The following ZMAT3 variants were observed in gnomAD, a reference collection of about 807,000 sequenced individuals.
ZMAT3 encodes zinc finger matrin-type protein 3.
In ZMAT3, 17 loss-of-function variants were observed where a neutral mutation model predicts 32.3. The observed-to-expected ratio is 0.53, with a 90% CI of 0.36 to 0.79. ZMAT3 has a LOEUF of 0.79. ZMAT3 is among the 30% of genes least tolerant of loss of function. ZMAT3 has a pLI of 0.00. For synonymous variants in ZMAT3, 120 were observed against 133.1 expected (o/e 0.90, Z 0.68); for missense variants, 329 against 359.7 (o/e 0.91, Z 0.69).
intron 2 of ZMAT3, among the ~76,000 whole-genome samples, chr3:179,062,663 A>T (rs1043641823): frequency 6.6e-6 from 1 of 152,232 alleles, no homozygotes; most frequent in African/African-American, 2.4e-5. Context: ...TTATTGGGTA[A>T]ATGGACTAAG....
intron 5 of ZMAT3, 38 bp downstream of exon 5, chr3:179,027,385 C>T (rs2108535718): frequency 1.3e-6 from 2 of 1,572,090 alleles, no homozygotes; most frequent in Non-Finnish European, 1.7e-6. Flanking sequence ...AGACTAGGTA[C>T]AGAATGTACC....
intron 2 of ZMAT3, among the ~76,000 whole-genome samples, chr3:179,062,472 G>T (rs1331118831): frequency 6.6e-6 from 1 of 152,170 alleles, no homozygotes; most frequent in Non-Finnish European, 1.5e-5. Flanking sequence ...TTGGACAAAA[G>T]AAAGGGTATC....
intron 2 of ZMAT3, among the ~76,000 whole-genome samples, chr3:179,044,383 G>A (rs1039500040): frequency 1.3e-5 from 2 of 152,182 alleles, no homozygotes; most frequent in East Asian, 1.9e-4. Context: ...GGTGGCTCAC[G>A]CCTGTAATCC....
Position 179,027,689 on chromosome 3 carries a change from C to G in ZMAT3, c.514G>C (p.Ala172Pro), listed in dbSNP as rs1450809013. Residue 172 changes from alanine to proline, a missense_variant, in exon 4 of 6, where the codon GCC becomes CCC. Ala to Pro is a conservative substitution (Grantham distance 27). Coordinates refer to ENST00000311417, the MANE Select transcript of ZMAT3 (RefSeq NM_022470.4). Reference protein sequence around the residue: ...AQAHYQGKNHAKRLRLAEAQS... With the variant: ...AQAHYQGKNHPKRLRLAEAQS... The stretch of plus-strand genomic sequence containing the variant: ...GCTTCCGCCAGCCGCAGCCTCTTGG[C>G]ATGATTCTTCCCTTGATAGTGAGCC... The G allele has an allele frequency of 6.2e-7, 1 of 1,614,222 alleles. No individual in the cohort carries two copies.
intron 5 of ZMAT3, among the ~76,000 whole-genome samples, chr3:179,026,773 G>A (rs1254781896): frequency 6.6e-6 from 1 of 152,152 alleles, no homozygotes; most frequent in Non-Finnish European, 1.5e-5. Flanking sequence ...CACTGTTCAA[G>A]TAAATGACCT....
intron 2 of ZMAT3, among the ~76,000 whole-genome samples, chr3:179,035,207 C>G (rs1032444214): frequency 6.6e-6 from 1 of 152,076 alleles, no homozygotes; most frequent in African/African-American, 2.4e-5. Flanking sequence ...ATGTTCTGGC[C>G]CCATCTAATT....
chr3:179,025,344 T>G, intron 5 of ZMAT3, 116 bp from the exon 6 acceptor site: 1 of 865,264 alleles, frequency 1.2e-6, no homozygotes, highest in Non-Finnish European at 1.8e-6. Context: ...CACAGATTCT[T>G]AGCTTTAAGT....
chr3:179,026,374 T>G (rs1718867877), intron 5 of ZMAT3, among the ~76,000 whole-genome samples: 1 of 149,032 alleles, frequency 6.7e-6, no homozygotes, highest in Admixed American at 6.7e-5. Context: ...TCATAATGAA[T>G]TGTGCTTTTT....
chr3:179,030,224 C>G (rs977541459), intron 3 of ZMAT3, among the ~76,000 whole-genome samples: 2 of 152,128 alleles, frequency 1.3e-5, no homozygotes, highest in Non-Finnish European at 2.9e-5. Flanking sequence ...TCTCAAACAC[C>G]TAATTTTGCA....
chr3:179,053,334 G>A (rs1328244107), intron 2 of ZMAT3, among the ~76,000 whole-genome samples: 1 of 151,204 alleles, frequency 6.6e-6, no homozygotes, highest in Non-Finnish European at 1.5e-5. Context: ...TAAATCCCCA[G>A]TAATATAAAT....
chr3:179,046,439 C>A lies in ZMAT3; in HGVS notation c.271-15440G>T, dbSNP rs534820451. On this transcript the variant is annotated intron_variant, in intron 2 of 5. Coordinates refer to ENST00000311417, the MANE Select transcript of ZMAT3 (RefSeq NM_022470.4). This position sits in a 1 kb window ranked among gnomAD's most constrained non-coding sequence, Gnocchi z 4.3. ...AGATGGACAGAGCAGTGTGTGGAGA[C>A]CCATATCATGAAATTTTGCTCCAAG... Among the ~76,000 whole-genome samples the A allele has an allele frequency of 6.6e-6, 1 of 152,098 alleles. No homozygotes were observed. Among genetic ancestry groups the A allele is most frequent in the Non-Finnish European group, 1.5e-5 (1 of 68,022 alleles).
intron 2 of ZMAT3, among the ~76,000 whole-genome samples, chr3:179,034,565 G>A (rs1252482623): frequency 6.6e-6 from 1 of 152,184 alleles, no homozygotes; most frequent in Non-Finnish European, 1.5e-5. Context: ...CCATGAGTAA[G>A]TTGGTGACTC....
intron 2 of ZMAT3, among the ~76,000 whole-genome samples, chr3:179,038,682 G>A (rs1719738862): frequency 6.6e-6 from 1 of 152,214 alleles, no homozygotes; most frequent in Non-Finnish European, 1.5e-5. Context: ...TTGAACTGAG[G>A]TACCTGGTTC....
Position 179,046,533 on chromosome 3 carries a change from C to T in ZMAT3, c.271-15534G>A, listed in dbSNP as rs1421374931. On this transcript the variant is annotated intron_variant, in intron 2 of 5. Coordinates refer to ENST00000311417, the MANE Select transcript of ZMAT3 (RefSeq NM_022470.4). This position sits in a 1 kb window ranked among gnomAD's most constrained non-coding sequence, Gnocchi z 4.3. ...GCCCTTTGAAGGAGGCGGATTGCCACTGCAGACTCCGTGGGACAGCTGAGG... is the reference window on the plus strand; with the variant it reads ...GCCCTTTGAAGGAGGCGGATTGCCATTGCAGACTCCGTGGGACAGCTGAGG... Among the ~76,000 whole-genome samples, 2 of 152,188 alleles carry T rather than the reference C, an allele frequency of 1.3e-5. No homozygotes were observed. The highest frequency in any genetic ancestry group is 2.4e-5 in the African/African-American group (1 of 41,448).
Position 179,024,719 on chromosome 3 carries a change from A to G in ZMAT3, c.*298T>C. ...AGCCGTCAGGCTACTAGTTGACCAGAACTTGAGCAAGATAAAAAGTTATTT... is the reference window on the plus strand; with the variant it reads ...AGCCGTCAGGCTACTAGTTGACCAGGACTTGAGCAAGATAAAAAGTTATTT... On this transcript the variant is annotated 3_prime_UTR_variant, in exon 6 of 6. Coordinates refer to ENST00000311417, the MANE Select transcript of ZMAT3 (RefSeq NM_022470.4). 1 of 301,640 alleles carries G rather than the reference A, an allele frequency of 3.3e-6. No individual in the cohort carries two copies. The highest frequency in any genetic ancestry group is 6.3e-6 in the Non-Finnish European group (1 of 158,102). 18.7% of individuals were successfully genotyped at this position (301,640 alleles called of 1,614,324 possible).
intron 2 of ZMAT3, among the ~76,000 whole-genome samples, chr3:179,039,384 T>C (rs1267755454): frequency 6.6e-6 from 1 of 151,698 alleles, no homozygotes; most frequent in Admixed American, 6.6e-5. Context: ...GCAGCAATAT[T>C]TGCTGTTCTG....
intron 2 of ZMAT3, among the ~76,000 whole-genome samples, chr3:179,066,348 G>A (rs563382376): frequency 1.3e-5 from 2 of 152,220 alleles, no homozygotes; most frequent in Non-Finnish European, 2.9e-5. Context: ...CACATAATGG[G>A]AACTTAAAGG....
chr3:179,036,950 C>T (rs1427604977), intron 2 of ZMAT3, among the ~76,000 whole-genome samples: 1 of 152,142 alleles, frequency 6.6e-6, no homozygotes. Flanking sequence ...TCAGCACGCA[C>T]TCCCCCATTC....
At chr3:179,067,915 C>T in intron 1 of ZMAT3, 106 bp from the exon 2 acceptor site, 1 of 1,101,386 alleles carries the variant, frequency 9.1e-7, no homozygotes, top group South Asian at 1.7e-5. Context: ...TCTACTTCTC[C>T]AAACCCATCT....
Sources: allele counts gnomAD v4.1 joint callset (sites outside exome capture counted in the v4.1 genomes callset), GRCh38; gene constraint gnomAD v4.1.1; non-coding constraint Gnocchi (gnomAD v3.1); transcripts MANE v1.5; gene names NCBI Gene and HGNC (gene_info 2026-07-23, HGNC 2026-07-21).